The following SLC44A2 variants were observed in gnomAD, a reference collection of about 807,000 sequenced individuals.
SLC44A2 encodes choline transporter-like protein 2.
In SLC44A2, 57 loss-of-function variants were observed where a neutral mutation model predicts 90.8. The ratio of observed to expected loss-of-function variants is 0.63; its 90% CI spans 0.51 to 0.78. The LOEUF (loss-of-function observed/expected upper bound fraction) is 0.78. Among genes scored for constraint, SLC44A2 ranks in the 30% least tolerant of loss-of-function variants. The pLI, the probability that SLC44A2 is intolerant of heterozygous loss-of-function variation, is 0.00. For synonymous variants in SLC44A2, 355 were observed against 360.7 expected (o/e 0.98, Z 0.18); for missense variants, 794 against 919.7 (o/e 0.86, Z 1.77).
rs769847982 is a variant in SLC44A2 at position 10,637,867 on chromosome 19, C to T, written c.1707C>T (p.Tyr569=). 5.5e-5 allele frequency: 88 copies of T among 1,614,034 alleles called. No individual in the cohort carries two copies. Among genetic ancestry groups the T allele is most frequent in the Non-Finnish European group, 6.7e-5 (79 of 1,180,030 alleles). The change falls in exon 18 of 22, where the codon TAC becomes TAT. Residue 569 remains tyrosine (Y), a synonymous_variant. Transcript: ENST00000335757. Reference sequence around the variant, plus strand: ...CCACTCTCCTCCAGATTGCCATCTACGGCACCAATTTCTGCACCTCGGCCA... The same window carrying T: ...CCACTCTCCTCCAGATTGCCATCTATGGCACCAATTTCTGCACCTCGGCCA... ...NRNAYIMIAI[Y]GTNFCTSARN...
rs2067079792 is a variant in SLC44A2, at chr19:10,638,207, GCTTT to G, written c.1841-16_1841-13del. The G allele has an allele frequency of 6.2e-7, 1 of 1,613,780 alleles. No individual in the cohort carries two copies. Among genetic ancestry groups the G allele is most frequent in the African/African-American group, 1.3e-5 (1 of 74,876 alleles). On this transcript the variant is annotated splice_polypyrimidine_tract_variant and intron_variant, in intron 19 of 21. Coordinates refer to ENST00000335757, the MANE Select transcript of SLC44A2 (RefSeq NM_020428.4). ...TATATCCAGAACCCTTCGCCATCTT[GCTTT>G]CTTCTCCTTCTCCAGGGATCCTGGC...
At chr19:10,622,480 TTGAGGAGCAGG>T (rs2066900783), upstream of SLC44A2, among the ~76,000 whole-genome samples, 1 of 151,784 alleles carries the variant, frequency 6.6e-6, no homozygotes, top group African/African-American at 2.4e-5. Flanking sequence ...GGGTGGGTGC[TTGAGGAGCAGG>T]TGAGAAGAGG....
chr19:10,625,785 C>G, intron 1 of SLC44A2, 115 bp downstream of exon 1: 1 of 936,978 alleles, frequency 1.1e-6, no homozygotes, highest in Non-Finnish European at 1.4e-6. Context: ...AATTGCAAAT[C>G]TGCGCCTGGA....
chr19:10,607,413 C>T (rs891591645), intron 1 of SLC44A2, among the ~76,000 whole-genome samples: 4 of 151,816 alleles, frequency 2.6e-5, no homozygotes, highest in East Asian at 1.9e-4. Flanking sequence ...TGCAGTGGTG[C>T]GATCATAGCT....
At chr19:10,624,458 C>T (rs1242857662), upstream of SLC44A2, among the ~76,000 whole-genome samples, 4 of 152,108 alleles carry the variant, frequency 2.6e-5, no homozygotes, top group African/African-American at 9.7e-5. Flanking sequence ...CATGTGCCAC[C>T]ACACTGGCTA....
chr19:10,610,899 C>CA (rs1276836504), intron 1 of SLC44A2, among the ~76,000 whole-genome samples: 1 of 151,664 alleles, frequency 6.6e-6, no homozygotes, highest in Non-Finnish European at 1.5e-5. Context: ...CTCGGCCTCC[C>CA]AAAGTGCTGG....
Position 10,643,267 on chromosome 19 carries a change from C to T in SLC44A2, c.2015-12C>T, listed in dbSNP as rs1340880076. 3 of 1,606,000 alleles carry T rather than the reference C, an allele frequency of 1.9e-6. No individual in the cohort carries two copies. Among genetic ancestry groups the T allele is most frequent in the Middle Eastern group, 1.6e-4 (1 of 6,064 alleles). On this transcript the variant is annotated splice_polypyrimidine_tract_variant and intron_variant, in intron 21 of 21. Coordinates refer to ENST00000335757, the MANE Select transcript of SLC44A2 (RefSeq NM_020428.4). The stretch of plus-strand genomic sequence containing the variant: ...CCCCTCATGCCTCCTGCTCTGGGAC[C>T]TCTCTCCACAGTGGAGGACCTGGAG...
intron 10 of SLC44A2, among the ~76,000 whole-genome samples, chr19:10,633,481 AGTCTCACTCTGTCACCCAG>A: frequency 6.6e-6 from 1 of 152,050 alleles, no homozygotes; most frequent in Non-Finnish European, 1.5e-5. Context: ...TTTGAGACAG[AGTCTCACTCTGTCACCCAG>A]GCTGGAGTTC....
At position 10,631,348 on chromosome 19, in the gene SLC44A2, A is replaced by T. The variant is rs1374122614; in HGVS notation, c.404A>T (p.Tyr135Phe). The T allele has an allele frequency of 6.2e-7, 1 of 1,614,182 alleles. No individual in the cohort carries two copies. Among genetic ancestry groups the T allele is most frequent in the Non-Finnish European group, 8.5e-7 (1 of 1,180,032 alleles). The stretch of plus-strand genomic sequence containing the variant: ...CGCAGCTCCCGGGACTTTGAGTACT[A>T]TAAGCAGTTCTGTGTTCCTGGCTTC... ...NARSSRDFEY[Y>F]KQFCVPGFKN... is the part of the protein sequence containing the mutation. Residue 135 changes from tyrosine (Y) to phenylalanine (F), a missense_variant, in exon 6 of 22, where the codon TAT becomes TTT. Transcript: ENST00000335757.
chr19:10,637,005 G>A, intron 16 of SLC44A2: 1 of 513,660 alleles, frequency 1.9e-6, no homozygotes, highest in Admixed American at 3.4e-5. Flanking sequence ...CCCACCATTG[G>A]TTATTACCAG....
intron 1 of SLC44A2, among the ~76,000 whole-genome samples, chr19:10,614,741 C>T (rs570439057): frequency 2.2e-4 from 34 of 151,916 alleles, no homozygotes; most frequent in African/African-American, 8.0e-4. Flanking sequence ...GAGGCTGAGG[C>T]GGGCGGATCA....
At chr19:10,602,866 G>A (rs1918001950) in intron 1 of SLC44A2, among the ~76,000 whole-genome samples, 1 of 152,202 alleles carries the variant, frequency 6.6e-6, no homozygotes, top group African/African-American at 2.4e-5. Context: ...GGGAGGCGCG[G>A]CGATCTGGGC....
intron 1 of SLC44A2, among the ~76,000 whole-genome samples, chr19:10,607,057 G>A (rs892544827): frequency 3.3e-5 from 5 of 150,898 alleles, no homozygotes; most frequent in Non-Finnish European, 5.9e-5. Flanking sequence ...GACTACAGGC[G>A]CCCGCCACCA....
upstream of SLC44A2, among the ~76,000 whole-genome samples, chr19:10,621,568 C>G (rs183959821): frequency 4.5e-4 from 69 of 151,732 alleles, no homozygotes; most frequent in Middle Eastern, 0.01. Context: ...CTCCACCTCC[C>G]AAGTTGCTGG....
At chr19:10,614,035 G>C (rs2066835843) in intron 1 of SLC44A2, among the ~76,000 whole-genome samples, 1 of 151,908 alleles carries the variant, frequency 6.6e-6, no homozygotes, top group African/African-American at 2.4e-5. Context: ...ATGCGATCTT[G>C]GCTCACTGCA....
chr19:10,641,562 C>T (rs2067116164), intron 20 of SLC44A2: 1 of 351,030 alleles, frequency 2.8e-6, no homozygotes, highest in Non-Finnish European at 5.6e-6. Flanking sequence ...TTAAAGAAAG[C>T]AAGGGTGAGG....
At chr19:10,616,990 C>G (rs956122128) in intron 1 of SLC44A2, among the ~76,000 whole-genome samples, 1 of 151,978 alleles carries the variant, frequency 6.6e-6, no homozygotes, top group East Asian at 1.9e-4. Context: ...GGCGCGATCT[C>G]GGCTCACTGC....
chr19:10,607,602 T>G (rs1256401882), intron 1 of SLC44A2, among the ~76,000 whole-genome samples: 2 of 151,484 alleles, frequency 1.3e-5, no homozygotes, highest in Non-Finnish European at 1.5e-5. Context: ...GCAATCCTCC[T>G]GTACTGGCCT....
At chr19:10,627,503 T>C (rs1311472916) in intron 2 of SLC44A2, among the ~76,000 whole-genome samples, 4 of 152,150 alleles carry the variant, frequency 2.6e-5, no homozygotes, top group Non-Finnish European at 1.5e-5. Flanking sequence ...ATCATGCCAC[T>C]GTACTCCAGC....
Sources: allele counts gnomAD v4.1 joint callset (sites outside exome capture counted in the v4.1 genomes callset), GRCh38; gene constraint gnomAD v4.1.1; transcripts MANE v1.5; gene names NCBI Gene and HGNC (gene_info 2026-07-23, HGNC 2026-07-21).